SHANK2: variants seen among roughly 807,000 people sequenced by gnomAD.
The protein encoded by SHANK2 is SH3 and multiple ankyrin repeat domains protein 2.
A neutral mutation model predicts 133.7 loss-of-function variants in SHANK2; 43 were observed. The ratio of observed to expected loss-of-function variants is 0.32; its 90% CI spans 0.25 to 0.41. SHANK2 has a LOEUF of 0.41. Ranked by LOEUF, SHANK2 falls within the 10% of genes least tolerant of loss-of-function variation. The pLI, the probability that SHANK2 is intolerant of heterozygous loss-of-function variation, is 1.00. For missense variants in SHANK2, 1,994 were observed against 2,235.8 expected (o/e 0.89, Z 2.18); for synonymous variants, 1,017 against 952.8 (o/e 1.07, Z -1.24).
chr11:70,870,919 A>G (rs1555070056), intron 11 of SHANK2, among the ~76,000 whole-genome samples: 1 of 152,182 alleles, frequency 6.6e-6, no homozygotes, highest in Non-Finnish European at 1.5e-5. Context: ...CTGGGACTAC[A>G]GGCACCCGCC....
At chr11:70,884,794 C>A (rs1949712608) in intron 11 of SHANK2, among the ~76,000 whole-genome samples, 1 of 152,198 alleles carries the variant, frequency 6.6e-6, no homozygotes, top group South Asian at 2.1e-4. Flanking sequence ...GATTTCGGCT[C>A]ACTGCAACCT....
At chr11:70,575,518 C>CAAAAAAAAAAAAAAAAA (rs71049923) in intron 17 of SHANK2, among the ~76,000 whole-genome samples, 13 of 139,532 alleles carry the variant, frequency 9.3e-5, no homozygotes, top group African/African-American at 3.6e-4. Context: ...GACTCTGCCT[C>CAAAAAAAAAAAAAAAAA]AAAAAAAAAA....
chr11:70,915,799 C>T (rs1019854606), intron 10 of SHANK2, among the ~76,000 whole-genome samples: 30 of 152,208 alleles, frequency 2.0e-4, no homozygotes, highest in Non-Finnish European at 2.2e-4. Context: ...GAGAAAGATG[C>T]GTTGCTCAGT....
chr11:70,858,738 G>C (rs570122252), intron 11 of SHANK2, among the ~76,000 whole-genome samples: 1 of 152,308 alleles, frequency 6.6e-6, no homozygotes, highest in East Asian at 1.9e-4. Context: ...AAGGGACTTG[G>C]CTCCTATCTC....
At chr11:70,709,104 G>A (rs539961754) in intron 14 of SHANK2, among the ~76,000 whole-genome samples, 24 of 152,336 alleles carry the variant, frequency 1.6e-4, no homozygotes, top group Non-Finnish European at 3.5e-4. Flanking sequence ...CCAGTTACTT[G>A]GGAGGCTGAG....
chr11:70,477,838 C>T (rs2058683147), intron 25 of SHANK2, among the ~76,000 whole-genome samples: 1 of 152,054 alleles, frequency 6.6e-6, no homozygotes, highest in Admixed American at 6.6e-5. Context: ...GCTTGACTCT[C>T]TTGGTTAATC....
intron 3 of SHANK2, among the ~76,000 whole-genome samples, chr11:71,124,182 A>G (rs1366072815): frequency 2.5e-3 from 6 of 2,444 alleles, no homozygotes; most frequent in African/African-American, 4.0e-3. Flanking sequence ...GGTGATGGTG[A>G]TGATGGTGAT....
At chr11:70,692,664 G>A (rs112030790) in intron 15 of SHANK2, among the ~76,000 whole-genome samples, 2,280 of 152,322 alleles carry the variant, frequency 0.015, 45 homozygotes, top group South Asian at 0.076. Context: ...GCAAAGATGG[G>A]AGACCTACTC....
In SHANK2 at chr11:71,092,592, A is replaced by G. The variant is rs1186692704; in HGVS notation, c.745-3T>C. The stretch of plus-strand genomic sequence containing the variant: ...GATGCACCAAGCTCTAAAAGGGTCT[A>G]GGAAAAAAAAATTGAAAGCCGTCGT... On this transcript the variant is annotated splice_polypyrimidine_tract_variant and splice_region_variant and intron_variant, in intron 7 of 25. Transcript: ENST00000601538. The G allele has an allele frequency of 1.9e-6, 3 of 1,550,090 alleles. No individual in the cohort carries two copies. In the African/African-American group the frequency reaches 4.1e-5, roughly 21 times the overall value.
chr11:71,112,747 C>T (rs183964172), intron 5 of SHANK2, among the ~76,000 whole-genome samples: 4 of 152,250 alleles, frequency 2.6e-5, no homozygotes, highest in East Asian at 1.9e-4. Flanking sequence ...CTCCTCGACT[C>T]GCACAGCACC....
At chr11:70,906,033 A>G (rs535866813) in intron 10 of SHANK2, among the ~76,000 whole-genome samples, 1 of 152,122 alleles carries the variant, frequency 6.6e-6, no homozygotes, top group East Asian at 1.9e-4. Context: ...GGCTGATCTC[A>G]AACTCCTGAC....
At chr11:71,131,960 G>T (rs1367157263) in intron 3 of SHANK2, among the ~76,000 whole-genome samples, 1 of 152,202 alleles carries the variant, frequency 6.6e-6, no homozygotes, top group Non-Finnish European at 1.5e-5. Context: ...GAGGAGCAGG[G>T]ATTAAGGGGG....
At chr11:71,247,462 T>G (rs1478066691) in intron 1 of SHANK2, among the ~76,000 whole-genome samples, 1 of 150,544 alleles carries the variant, frequency 6.6e-6, no homozygotes, top group Non-Finnish European at 1.5e-5. Flanking sequence ...AGAAAATGTA[T>G]GAGAGAACAA....
At chr11:70,558,954 C>T (rs887782608) in intron 17 of SHANK2, among the ~76,000 whole-genome samples, 1 of 152,224 alleles carries the variant, frequency 6.6e-6, no homozygotes, top group Non-Finnish European at 1.5e-5. Context: ...TGTGCACACA[C>T]ACGCCTCTTA....
At chr11:70,697,872 G>GCCTGCA (rs1945430405) in intron 15 of SHANK2, among the ~76,000 whole-genome samples, 1 of 152,178 alleles carries the variant, frequency 6.6e-6, no homozygotes, top group Non-Finnish European at 1.5e-5. Flanking sequence ...CATCCCCGGG[G>GCCTGCA]CCTGCACCTG....
chr11:70,865,261 A>G (rs1335878191), intron 11 of SHANK2: 1 of 152,162 alleles, frequency 6.6e-6, no homozygotes, highest in Non-Finnish European at 1.5e-5. Flanking sequence ...ACAGGCTCTA[A>G]GGAGAGACTC....
chr11:71,147,447 G>C, intron 2 of SHANK2, 109 bp from the exon 3 acceptor site: 1 of 816,190 alleles, frequency 1.2e-6, no homozygotes, highest in East Asian at 3.1e-5. Context: ...CGGTTTCACA[G>C]TCTGTGTTTG....
At position 70,745,205 on chromosome 11, in the gene SHANK2, C is replaced by T. The variant is rs546162798; in HGVS notation, c.1778-46442G>A. On this transcript the variant is annotated intron_variant, in intron 14 of 25. Transcript: ENST00000601538. ...AGAAGGCCCCAGTGCTAGTGAGCCCCGCCTTTCTCTGCTACAAAGCGTTTC... is the reference window on the plus strand; with the variant it reads ...AGAAGGCCCCAGTGCTAGTGAGCCCTGCCTTTCTCTGCTACAAAGCGTTTC... Among the ~76,000 whole-genome samples, 289 of 152,370 alleles carry T rather than the reference C, an allele frequency of 1.9e-3. 3 individuals carry two copies. The highest frequency in any genetic ancestry group is 6.5e-3 in the African/African-American group (272 of 41,582).
At chr11:70,586,238 G>A (rs2060249985) in intron 17 of SHANK2, among the ~76,000 whole-genome samples, 1 of 152,154 alleles carries the variant, frequency 6.6e-6, no homozygotes, top group South Asian at 2.1e-4. Flanking sequence ...AGAGAGGAGT[G>A]CTTGAGGAAA....
Sources: allele counts gnomAD v4.1 joint callset (sites outside exome capture counted in the v4.1 genomes callset), GRCh38; gene constraint gnomAD v4.1.1; transcripts MANE v1.5; gene names NCBI Gene and HGNC (gene_info 2026-07-23, HGNC 2026-07-21).